Variants in CSMD1 observed in about 807,000 individuals in gnomAD.
The protein encoded by CSMD1 is CUB and Sushi multiple domains 1.
A neutral mutation model predicts 417.5 loss-of-function variants in CSMD1; 213 were observed. The observed-to-expected ratio is 0.51, with a 90% CI of 0.46 to 0.57. CSMD1 has a LOEUF of 0.57. Among genes scored for constraint, CSMD1 ranks in the 20% least tolerant of loss-of-function variants. The pLI, the probability that CSMD1 is intolerant of heterozygous loss-of-function variation, is 0.00. For synonymous variants in CSMD1, 2,862 were observed against 1,736.8 expected, an observed-to-expected ratio of 1.65 and a Z score of -16.11; for missense variants, 6,923 against 4,529.7, an observed-to-expected ratio of 1.53 and a Z score of -15.17.
chr8:4,897,938 TAA>T (rs965813882), intron 1 of CSMD1, among the ~76,000 whole-genome samples: 8 of 152,270 alleles, frequency 5.3e-5, no homozygotes, highest in Admixed American at 2.0e-4. Context: ...ATTCTAAACA[TAA>T]GTCTAATTTT....
At chr8:4,601,831 G>C (rs760588278) in intron 2 of CSMD1, among the ~76,000 whole-genome samples, 1 of 152,202 alleles carries the variant, frequency 6.6e-6, no homozygotes, top group South Asian at 2.1e-4. Flanking sequence ...TCTGAGGTTA[G>C]CGTGCATCTT....
intron 1 of CSMD1, among the ~76,000 whole-genome samples, chr8:4,703,409 C>T (rs1807713371): frequency 6.6e-6 from 1 of 152,188 alleles, no homozygotes; most frequent in Non-Finnish European, 1.5e-5. Flanking sequence ...TCATTTCTGT[C>T]ACCTGTAATT....
chr8:4,281,356 G>C (rs1358267680), intron 3 of CSMD1, among the ~76,000 whole-genome samples: 2 of 152,118 alleles, frequency 1.3e-5, no homozygotes, highest in African/African-American at 4.8e-5. Flanking sequence ...TAAGATGACG[G>C]CATAAGGTCT....
chr8:3,950,258 T>C (rs1052977607), intron 5 of CSMD1, among the ~76,000 whole-genome samples: 3 of 152,182 alleles, frequency 2.0e-5, no homozygotes, highest in Non-Finnish European at 4.4e-5. Flanking sequence ...AATTAGTAGT[T>C]TGATACTTAA....
At chr8:3,846,133 G>C (rs1219998555) in intron 5 of CSMD1, among the ~76,000 whole-genome samples, 1 of 152,090 alleles carries the variant, frequency 6.6e-6, no homozygotes, top group East Asian at 1.9e-4. Context: ...CAGTACCATG[G>C]TTGTTTATGA....
chr8:4,483,951 C>G (rs1298676366), intron 2 of CSMD1, among the ~76,000 whole-genome samples: 2 of 152,142 alleles, frequency 1.3e-5, no homozygotes, highest in African/African-American at 2.4e-5. Context: ...GTCGTTGTCT[C>G]TCATTGACAG....
chr8:4,097,069 C>G (rs1032170980), intron 3 of CSMD1, among the ~76,000 whole-genome samples: 9 of 152,178 alleles, frequency 5.9e-5, no homozygotes, highest in Admixed American at 1.3e-4. Context: ...AATGTTTACT[C>G]TTTAATTATG....
At chr8:4,499,956 A>G (rs1185669230) in intron 2 of CSMD1, among the ~76,000 whole-genome samples, 1 of 152,218 alleles carries the variant, frequency 6.6e-6, no homozygotes, top group Non-Finnish European at 1.5e-5. Context: ...ATGCATGGAA[A>G]GAAAAAAAGC....
intron 5 of CSMD1, among the ~76,000 whole-genome samples, chr8:3,798,871 C>T (rs1800307176): frequency 6.6e-6 from 1 of 151,570 alleles, no homozygotes; most frequent in Non-Finnish European, 1.5e-5. Flanking sequence ...TTCCTTTGTT[C>T]ATACAGACAT....
intron 1 of CSMD1, among the ~76,000 whole-genome samples, chr8:4,854,222 G>A (rs1801654416): frequency 6.6e-6 from 1 of 152,156 alleles, no homozygotes; most frequent in Non-Finnish European, 1.5e-5. Flanking sequence ...GGAAAGATAT[G>A]ATTTGGGTAT....
chr8:4,328,069 C>T (rs917538377), intron 3 of CSMD1, among the ~76,000 whole-genome samples: 1 of 152,034 alleles, frequency 6.6e-6, no homozygotes, highest in Non-Finnish European at 1.5e-5. Context: ...CTCTGCACTC[C>T]ATAATTTACA....
At chr8:3,358,040 C>G (rs1398061934) in intron 21 of CSMD1, among the ~76,000 whole-genome samples, 1 of 152,132 alleles carries the variant, frequency 6.6e-6, no homozygotes, top group Non-Finnish European at 1.5e-5. Flanking sequence ...CCCCAAAAAT[C>G]TGCCCCAAAG....
At chr8:4,490,438 T>C (rs1801643329) in intron 2 of CSMD1, among the ~76,000 whole-genome samples, 1 of 152,252 alleles carries the variant, frequency 6.6e-6, no homozygotes, top group Non-Finnish European at 1.5e-5. Context: ...CTATTGGTTT[T>C]AACTTTTAGT....
At chr8:4,354,618 G>C (rs955495650) in intron 3 of CSMD1, among the ~76,000 whole-genome samples, 5 of 152,032 alleles carry the variant, frequency 3.3e-5, no homozygotes, top group African/African-American at 1.2e-4. Context: ...GAACGTATAA[G>C]AACGTGTCTA....
At chr8:3,465,462 G>C (rs996025246) in intron 12 of CSMD1, among the ~76,000 whole-genome samples, 1 of 152,134 alleles carries the variant, frequency 6.6e-6, no homozygotes, top group South Asian at 2.1e-4. Context: ...CCTGGTCCAC[G>C]TGTCCTGAGG....
intron 2 of CSMD1, among the ~76,000 whole-genome samples, chr8:4,433,237 A>G (rs1047910623): frequency 2.6e-5 from 4 of 152,274 alleles, no homozygotes; most frequent in Admixed American, 1.3e-4. Context: ...AGTGCATTAT[A>G]AATGTACTAC....
intron 12 of CSMD1, among the ~76,000 whole-genome samples, chr8:3,428,327 G>A (rs560212825): frequency 6.6e-6 from 1 of 152,210 alleles, no homozygotes; most frequent in Admixed American, 6.5e-5. Flanking sequence ...GAATGGCCAG[G>A]CCTCAAGAGA....
At chr8:3,739,082 C>A (rs1344290654) in intron 6 of CSMD1, among the ~76,000 whole-genome samples, 1 of 152,110 alleles carries the variant, frequency 6.6e-6, no homozygotes, top group East Asian at 1.9e-4. Flanking sequence ...GGTTTAATTT[C>A]AAAATAGTGG....
intron 1 of CSMD1, among the ~76,000 whole-genome samples, chr8:4,754,616 C>T (rs1811551709): frequency 6.6e-6 from 1 of 151,574 alleles, no homozygotes; most frequent in Non-Finnish European, 1.5e-5. Flanking sequence ...CTTTGGGAGG[C>T]AGAGGTGGGT....
Sources: allele counts gnomAD v4.1 joint callset (sites outside exome capture counted in the v4.1 genomes callset), GRCh38; gene constraint gnomAD v4.1.1; transcripts MANE v1.5; gene names NCBI Gene and HGNC (gene_info 2026-07-23, HGNC 2026-07-21).